ATP10A: variants seen among roughly 807,000 people sequenced by gnomAD.
ATP10A encodes the protein phospholipid-transporting ATPase VA.
ATP10A carries 111 observed loss-of-function variants against 147.8 expected under a neutral mutation model. The ratio of observed to expected loss-of-function variants is 0.75; its 90% CI spans 0.64 to 0.88. ATP10A has a LOEUF of 0.88. Ranked by LOEUF, ATP10A falls within the 40% of genes least tolerant of loss-of-function variation. The pLI is 0.00. For synonymous variants in ATP10A, 875 were observed against 841.6 expected (o/e 1.04, Z -0.69); for missense variants, 1,927 against 1,959.0 (o/e 0.98, Z 0.31).
At chr15:25,864,099 G>C (rs753964989), upstream of ATP10A, among the ~76,000 whole-genome samples, 2 of 152,106 alleles carry the variant, frequency 1.3e-5, no homozygotes, top group Non-Finnish European at 2.9e-5. Flanking sequence ...GTCATGGCCC[G>C]GACGGCGGGG....
At chr15:25,771,077 G>A (rs570144471) in intron 2 of ATP10A, among the ~76,000 whole-genome samples, 16 of 152,174 alleles carry the variant, frequency 1.1e-4, no homozygotes, top group South Asian at 2.1e-4. Flanking sequence ...TTTTCAGCCC[G>A]CCACCACCAG....
intron 8 of ATP10A, 44 bp from the exon 9 acceptor site, chr15:25,716,968 G>A (rs753956131): frequency 1.6e-5 from 24 of 1,463,290 alleles, no homozygotes; most frequent in Non-Finnish European, 2.2e-5. Flanking sequence ...CCAGTAGCCT[G>A]CCGAGGATCT....
rs539032579 is a variant in ATP10A, at chr15:25,781,050, C to T, written c.623G>A (p.Arg208Gln). 6.2e-5 allele frequency: 100 copies of T among 1,614,050 alleles called. 2 individuals carry two copies. The South Asian group carries it at 8.0e-4, about 13-fold the overall frequency. Reference sequence around the variant, plus strand: ...CGAGAAGCCGCGGACCACCTGCCGCCGCTTCAGGTTGGTCTCTCCATCCAG... The same window carrying T: ...CGAGAAGCCGCGGACCACCTGCCGCTGCTTCAGGTTGGTCTCTCCATCCAG... ...ANLDGETNLKRRQVVRGFSEL... is the reference protein window; with the variant it reads ...ANLDGETNLKQRQVVRGFSEL... The change falls in exon 2 of 21, where the codon CGG becomes CAG. Residue 208 changes from arginine (R) to glutamine (Q), a missense_variant. Transcript: ENST00000555815.
intron 1 of ATP10A, among the ~76,000 whole-genome samples, chr15:25,860,218 G>A (rs548677863): frequency 2.3e-4 from 35 of 151,364 alleles, no homozygotes; most frequent in Admixed American, 1.4e-3. Context: ...TCCACCCCCC[G>A]CCCCCGATCT....
intron 1 of ATP10A, among the ~76,000 whole-genome samples, chr15:25,824,557 G>GGT (rs1567411574): frequency 7.9e-5 from 11 of 139,216 alleles, no homozygotes; most frequent in African/African-American, 1.7e-4. Context: ...CTTTTTGTGT[G>GGT]TGTTTTTTTT....
At chr15:25,764,443 A>T (rs1326363008) in intron 2 of ATP10A, among the ~76,000 whole-genome samples, 1 of 152,132 alleles carries the variant, frequency 6.6e-6, no homozygotes, top group Admixed American at 6.6e-5. Context: ...GGAGGTGATT[A>T]GGGCATGAGG....
chr15:25,801,453 C>A (rs1045494467), intron 1 of ATP10A, among the ~76,000 whole-genome samples: 10 of 152,160 alleles, frequency 6.6e-5, no homozygotes, highest in African/African-American at 2.2e-4. Context: ...AGGTGGTAGT[C>A]AGGGGGACTA....
chr15:25,674,265 A>G (rs1899095726), downstream of ATP10A, among the ~76,000 whole-genome samples: 1 of 152,188 alleles, frequency 6.6e-6, no homozygotes, highest in Non-Finnish European at 1.5e-5. Context: ...GTGTTTTCCA[A>G]ACAGAATAAC....
intron 1 of ATP10A, among the ~76,000 whole-genome samples, chr15:25,855,619 C>T (rs1486490548): frequency 2.6e-5 from 4 of 151,278 alleles, no homozygotes; most frequent in African/African-American, 4.8e-5. Flanking sequence ...AAAAAGCATG[C>T]GTTCCCCCTA....
intron 2 of ATP10A, among the ~76,000 whole-genome samples, chr15:25,771,904 C>T (rs1039042951): frequency 6.6e-6 from 1 of 152,068 alleles, no homozygotes; most frequent in Non-Finnish European, 1.5e-5. Flanking sequence ...AGGCGCCCAC[C>T]ACCACGCCTG....
rs375468520 is a variant in ATP10A, at chr15:25,862,891, T to A, written c.206A>T (p.Tyr69Phe). The change falls in exon 1 of 21, where the codon TAC (tyrosine) becomes TTC (phenylalanine). Residue 69 changes from tyrosine (Y) to phenylalanine (F), a missense_variant. By Grantham distance (22) the Tyr-to-Phe change is conservative. Coordinates refer to ENST00000555815, the MANE Select transcript of ATP10A (RefSeq NM_024490.4). ...LADNRLKTTK[Y>F]TLLSFLPKNL... is the part of the protein sequence containing the mutation. ...CTTGGGCAGGAAGGACAGCAGCGTG[T>A]ACTTGGTAGTCTTGAGCCGGTTGTC... 236 of 1,611,784 alleles carry A rather than the reference T, an allele frequency of 1.5e-4. No individual in the cohort carries two copies. The highest frequency in any genetic ancestry group is 2.0e-4 in the Non-Finnish European group (230 of 1,179,360).
chr15:25,780,975 G>T, intron 2 of ATP10A, 44 bp downstream of exon 2: 1 of 1,593,370 alleles, frequency 6.3e-7, no homozygotes, highest in Non-Finnish European at 8.6e-7. Flanking sequence ...GGGACACTGT[G>T]TGGCTGTAAT....
rs201426101 is a variant in ATP10A at position 25,683,518 on chromosome 15, C to T, written c.3292-32G>A. The T allele has an allele frequency of 5.1e-5, 81 of 1,580,738 alleles. No individual in the cohort carries two copies. In the African/African-American group the frequency reaches 5.7e-4, roughly 11 times the overall value. Reference sequence around the variant, plus strand: ...TCAAGAAAGGAAGAACAGGAACAGGCGAGTCTTCAGCCATTGCTGAGGATT... The same window carrying T: ...TCAAGAAAGGAAGAACAGGAACAGGTGAGTCTTCAGCCATTGCTGAGGATT... On this transcript the variant is annotated intron_variant, in intron 16 of 20. Transcript: ENST00000555815.
intron 1 of ATP10A, among the ~76,000 whole-genome samples, chr15:25,834,709 A>G (rs1407942026): frequency 6.6e-6 from 1 of 152,272 alleles, no homozygotes; most frequent in Non-Finnish European, 1.5e-5. Flanking sequence ...AAGTAGAAAC[A>G]GCCCAAATGT....
In ATP10A at chr15:25,759,652, T is replaced by A. The variant is rs533178307; in HGVS notation, c.654+21367A>T. Among the ~76,000 whole-genome samples, 5 of 152,086 alleles carry A rather than the reference T, an allele frequency of 3.3e-5. No individual in the cohort carries two copies. The East Asian group carries it at 9.8e-4, about 30-fold the overall frequency. On this transcript the variant is annotated intron_variant, in intron 2 of 20. Transcript: ENST00000555815. The stretch of plus-strand genomic sequence containing the variant: ...GAGTTCCTATGTCTACACAAAGTTT[T>A]TAAGAAAATTAGTCGAGCATGGTGG...
At chr15:25,730,691 T>A (rs538551460) in intron 3 of ATP10A, among the ~76,000 whole-genome samples, 76 of 152,316 alleles carry the variant, frequency 5.0e-4, no homozygotes, top group African/African-American at 1.8e-3. Flanking sequence ...GAGGAAGGAA[T>A]GACAGATAAT....
At chr15:25,689,172 T>G (rs1199306524) in intron 15 of ATP10A, among the ~76,000 whole-genome samples, 1 of 152,228 alleles carries the variant, frequency 6.6e-6, no homozygotes, top group Non-Finnish European at 1.5e-5. Context: ...CTTCCTCCCC[T>G]AAATCCAGGC....
At chr15:25,832,564 C>G (rs1340223596) in intron 1 of ATP10A, among the ~76,000 whole-genome samples, 1 of 151,566 alleles carries the variant, frequency 6.6e-6, no homozygotes, top group Non-Finnish European at 1.5e-5. Flanking sequence ...AAATTCGTTT[C>G]CTTTTTTTTT....
At position 25,679,335 on chromosome 15, in the gene ATP10A, A is replaced by G; in HGVS notation, c.*6T>C. The stretch of plus-strand genomic sequence containing the variant: ...ATATATATTAAAAAAGGCCATTTCA[A>G]GGTTTTCACTGTGACCGCCTTGAAG... On this transcript the variant is annotated 3_prime_UTR_variant, in exon 21 of 21. Transcript: ENST00000555815. 1 of 1,430,020 alleles carries G rather than the reference A, an allele frequency of 7.0e-7. No individual in the cohort carries two copies. Among genetic ancestry groups the G allele is most frequent in the Non-Finnish European group, 9.2e-7 (1 of 1,084,118 alleles). 88.6% of individuals were successfully genotyped at this position (1,430,020 alleles called of 1,614,324 possible).
Sources: gnomAD v4.1 joint callset for allele counts (sites outside exome capture counted in the v4.1 genomes callset) on GRCh38, gnomAD v4.1.1 for gene constraint, MANE v1.5 for transcripts, NCBI Gene and HGNC (gene_info 2026-07-23, HGNC 2026-07-21) for gene names.